Variants in ARAP2 observed in about 807,000 individuals in gnomAD.
The protein encoded by ARAP2 is arf-GAP with Rho-GAP domain, ANK repeat and PH domain-containing protein 2.
ARAP2 carries 148 observed loss-of-function variants against 194.5 expected under a neutral mutation model. That is an observed-to-expected ratio of 0.76 (90% confidence interval 0.67 to 0.87). The LOEUF is 0.87. Among genes scored for constraint, ARAP2 ranks in the 40% least tolerant of loss-of-function variants. The probability of loss-of-function intolerance (pLI) is 0.00; values close to 1 mark genes in which losing one functional copy is unlikely to be tolerated. For synonymous variants in ARAP2, 695 were observed against 683.5 expected (o/e 1.02, Z -0.26); for missense variants, 2,128 against 1,989.7 (o/e 1.07, Z -1.32).
At position 36,133,360 on chromosome 4, in the gene ARAP2, A is replaced by C; in HGVS notation, c.3293T>G (p.Leu1098Trp). Residue 1098 changes from leucine (L) to tryptophan (W), a missense_variant, in exon 20 of 33, where the codon TTG becomes TGG. Coordinates refer to ENST00000303965, the MANE Select transcript of ARAP2 (RefSeq NM_015230.4). ...RTLYIHGHTK[L>W]DFTVWHTAIE... ...TGCAGTATGCCAGACTGTGAAATCCAACTTGGTATGCCCATGGATGTATAA... is the reference window on the plus strand; with the variant it reads ...TGCAGTATGCCAGACTGTGAAATCCCACTTGGTATGCCCATGGATGTATAA... 1 of 1,611,004 alleles carries C rather than the reference A, an allele frequency of 6.2e-7. No individual in the cohort carries two copies. The highest frequency in any genetic ancestry group is 8.5e-7 in the Non-Finnish European group (1 of 1,178,020).
intron 5 of ARAP2, among the ~76,000 whole-genome samples, chr4:36,042,713 G>T (rs1721067836): frequency 6.6e-6 from 1 of 152,138 alleles, no homozygotes; most frequent in Non-Finnish European, 1.5e-5. Flanking sequence ...ATATGGTTCA[G>T]TAGATACCTA....
intron 10 of ARAP2, 122 bp from the exon 11 acceptor site, chr4:36,165,235 G>A (rs1183628033): frequency 2.3e-6 from 2 of 854,594 alleles, no homozygotes; most frequent in Non-Finnish European, 3.7e-6. Flanking sequence ...ATGGCTGCTA[G>A]GCAGTTCTGG....
At chr4:36,221,183 A>G (rs180811124) in intron 2 of ARAP2, among the ~76,000 whole-genome samples, 63 of 152,270 alleles carry the variant, frequency 4.1e-4, no homozygotes, top group African/African-American at 1.5e-3. Flanking sequence ...AGGCTCTACC[A>G]TATAGCCTCG....
At chr4:36,084,576 C>G (rs1216800340) in intron 28 of ARAP2, among the ~76,000 whole-genome samples, 4 of 152,030 alleles carry the variant, frequency 2.6e-5, no homozygotes, top group Non-Finnish European at 4.4e-5. Context: ...TTAAAATAGA[C>G]TATTAAAAAT....
At chr4:36,049,756 C>A (rs1322242550) in intron 3 of ARAP2, among the ~76,000 whole-genome samples, 1 of 151,996 alleles carries the variant, frequency 6.6e-6, no homozygotes, top group East Asian at 1.9e-4. Context: ...AAACACTCCA[C>A]CTAAAAAGGA....
At chr4:36,223,243 T>C (rs187669460) in intron 2 of ARAP2, among the ~76,000 whole-genome samples, 10 of 152,244 alleles carry the variant, frequency 6.6e-5, no homozygotes, top group African/African-American at 2.4e-4. Context: ...GAAATAATGT[T>C]TTAAAACCCC....
At chr4:36,104,464 G>T (rs1717851272) in intron 27 of ARAP2, among the ~76,000 whole-genome samples, 1 of 151,946 alleles carries the variant, frequency 6.6e-6, no homozygotes. Flanking sequence ...GGTAGTCGTT[G>T]TGATTGACTT....
chr4:36,082,337 A>G, intron 29 of ARAP2, 51 bp from the exon 30 acceptor site: 1 of 1,541,856 alleles, frequency 6.5e-7, no homozygotes, highest in South Asian at 1.2e-5. Context: ...AATACATTTT[A>G]CAAGACAGAA....
chr4:36,215,607 TATA>T (rs1747759834), intron 2 of ARAP2, among the ~76,000 whole-genome samples: 1 of 152,260 alleles, frequency 6.6e-6, no homozygotes, highest in Admixed American at 6.5e-5. Flanking sequence ...ATTTAAAACT[TATA>T]ATGTCACGTA....
chr4:36,221,443 C>T (rs1203681525), intron 2 of ARAP2, among the ~76,000 whole-genome samples: 1 of 151,996 alleles, frequency 6.6e-6, no homozygotes, highest in Non-Finnish European at 1.5e-5. Context: ...TCACACAACT[C>T]ATAAGTAACT....
intron 26 of ARAP2, among the ~76,000 whole-genome samples, chr4:36,108,536 T>C (rs572762661): frequency 5.9e-5 from 9 of 152,116 alleles, no homozygotes; most frequent in African/African-American, 1.9e-4. Flanking sequence ...GTCAATATTA[T>C]AGACTAACTA....
chr4:36,224,313 A>AC (rs397938701), intron 2 of ARAP2, among the ~76,000 whole-genome samples: 6 of 150,710 alleles, frequency 4.0e-5, no homozygotes, highest in Non-Finnish European at 8.9e-5. Context: ...AAAAAAAAAA[A>AC]CACAATCATT....
intron 6 of ARAP2, among the ~76,000 whole-genome samples, chr4:36,195,157 A>C (rs961843441): frequency 3.1e-3 from 261 of 85,160 alleles, no homozygotes; most frequent in Admixed American, 5.5e-3. Context: ...ACACAGTGAG[A>C]GCCCCATCTC....
Position 36,165,074 on chromosome 4 carries a change from A to T in ARAP2, c.2013T>A (p.Ile671=). Residue 671 remains isoleucine, a synonymous_variant, in exon 11 of 33, where the codon ATT becomes ATA. Transcript: ENST00000303965. ...AETEKEKQDW[I]EAVQQSIAET... Reference sequence around the variant, plus strand: ...CTGCTATTGATTGCTGCACAGCTTCAATCCAGTCTTGTTTCTCCTTTTCAG... The same window carrying T: ...CTGCTATTGATTGCTGCACAGCTTCTATCCAGTCTTGTTTCTCCTTTTCAG... The T allele has an allele frequency of 6.2e-7, 1 of 1,614,064 alleles. No homozygotes were observed. Among genetic ancestry groups the T allele is most frequent in the Non-Finnish European group, 8.5e-7 (1 of 1,179,926 alleles).
chr4:36,186,345 T>G (rs4637425), intron 8 of ARAP2, among the ~76,000 whole-genome samples: 136,796 of 152,212 alleles, frequency 0.9, 61,592 homozygotes, highest in East Asian at 1. Flanking sequence ...ATTCAGAAAA[T>G]ATTTCTCTGT....
chr4:36,014,238 A>G (rs143065979), intron 8 of ARAP2, among the ~76,000 whole-genome samples: 1,384 of 96,474 alleles, frequency 0.014, 55 homozygotes, highest in African/African-American at 0.058. Context: ...AGAAAGAAAG[A>G]AAGAAAGAAA....
intron 1 of ARAP2, among the ~76,000 whole-genome samples, chr4:36,236,943 AAAGTGTCCCTGCCTTC>A (rs983418619): frequency 3.9e-5 from 6 of 152,222 alleles, no homozygotes; most frequent in Middle Eastern, 3.2e-3. Flanking sequence ...ATAAAAGAGA[AAAGTGTCCCTGCCTTC>A]AAGTGTCCCT....
In ARAP2 at chr4:36,124,888, T is replaced by G; in HGVS notation, c.3720A>C (p.Leu1240=). The part of the protein sequence containing the change: ...RSLPGVNRAT[L]AAIIEHLYRV... The stretch of plus-strand genomic sequence containing the variant: ...TATACAGGTGTTCAATGATAGCTGC[T>G]AGTGTTGCTCGGTTGACCCCTGGAA... Residue 1240 remains leucine, a synonymous_variant, in exon 22 of 33, where the codon CTA becomes CTC. Transcript: ENST00000303965. 6.2e-7 allele frequency: 1 copy of G among 1,610,766 alleles called. No individual in the cohort carries two copies. The highest frequency in any genetic ancestry group is 8.5e-7 in the Non-Finnish European group (1 of 1,177,822).
At chr4:36,217,959 G>T (rs775028580) in intron 2 of ARAP2, among the ~76,000 whole-genome samples, 42 of 150,958 alleles carry the variant, frequency 2.8e-4, no homozygotes, top group East Asian at 5.8e-4. Flanking sequence ...CAGGGAAGGG[G>T]GTGTGTGAGA....
Sources: allele counts gnomAD v4.1 joint callset (sites outside exome capture counted in the v4.1 genomes callset), GRCh38; gene constraint gnomAD v4.1.1; transcripts MANE v1.5; gene names NCBI Gene and HGNC (gene_info 2026-07-23, HGNC 2026-07-21).